Variants in DNAH5 observed in about 807,000 individuals in gnomAD.
The protein encoded by DNAH5 is dynein axonemal heavy chain 5, also known as axonemal beta dynein heavy chain 5.
Under a neutral mutation model 518.2 loss-of-function variants are expected in DNAH5, and 372 were observed. That is an observed-to-expected ratio of 0.72 (90% CI 0.66 to 0.78). DNAH5 has a LOEUF of 0.78. DNAH5 is among the 30% of genes least tolerant of loss of function. The probability of loss-of-function intolerance (pLI) is 0.00; values close to 1 mark genes in which losing one functional copy is unlikely to be tolerated. For synonymous variants in DNAH5, 2,039 were observed against 2,025.9 expected (o/e 1.01, Z -0.17); for missense variants, 5,523 against 5,687.0 (o/e 0.97, Z 0.93).
In DNAH5 at chr5:13,824,250, C is replaced by T. The variant is rs768101989; in HGVS notation, c.6528G>A (p.Thr2176=). ...GTACACGCATGACAATCGTGGACTC[C>T]GTATCCATTGGATTGGCTCTTTTTG... The part of the protein sequence containing the change: ...GAAKRANPMD[T]ESTIVMRVLR... Residue 2176 remains threonine (T), a synonymous_variant, in exon 39 of 79, where the codon ACG becomes ACA. Transcript: ENST00000265104. 5.6e-6 allele frequency: 9 copies of T among 1,613,908 alleles called. No individual in the cohort carries two copies. Among genetic ancestry groups the T allele is most frequent in the South Asian group, 2.2e-5 (2 of 91,084 alleles).
chr5:13,783,851 G>A (rs747569299), intron 52 of DNAH5, among the ~76,000 whole-genome samples: 3 of 152,184 alleles, frequency 2.0e-5, no homozygotes, highest in Non-Finnish European at 4.4e-5. Flanking sequence ...ACAGAGCGTG[G>A]AAGCGCTGTG....
Position 13,923,445 on chromosome 5 carries a change from A to C in DNAH5, c.278-5T>G. 1 of 1,614,040 alleles carries C rather than the reference A, an allele frequency of 6.2e-7. No individual in the cohort carries two copies. The highest frequency in any genetic ancestry group is 8.5e-7 in the Non-Finnish European group (1 of 1,179,974). ...CTCCTAGAGAGCCAAGTTGTCCTAC[A>C]AAAGCAAAATAATTTTAGTTTCACA... is the stretch of plus-strand genomic sequence containing the variant. On this transcript the variant is annotated splice_region_variant and splice_polypyrimidine_tract_variant and intron_variant, in intron 3 of 78. Coordinates refer to ENST00000265104, the MANE Select transcript of DNAH5 (RefSeq NM_001369.3).
At chr5:13,943,707 T>A (rs1295959040) in intron 1 of DNAH5, among the ~76,000 whole-genome samples, 1 of 152,100 alleles carries the variant, frequency 6.6e-6, no homozygotes, top group Non-Finnish European at 1.5e-5. Flanking sequence ...CTAGGGGGGA[T>A]CATGTGAGCT....
At chr5:13,837,902 G>A (rs1052281586) in intron 35 of DNAH5, among the ~76,000 whole-genome samples, 14 of 151,978 alleles carry the variant, frequency 9.2e-5, no homozygotes, top group Middle Eastern at 3.4e-3. Context: ...AGGTTTCACC[G>A]TGTTAGCCTG....
intron 68 of DNAH5, among the ~76,000 whole-genome samples, chr5:13,731,395 A>G (rs1746525769): frequency 2.6e-5 from 4 of 152,296 alleles, no homozygotes; most frequent in African/African-American, 9.6e-5. Context: ...TATTCACAGA[A>G]AGGAAAGAGT....
At chr5:13,822,893 C>T (rs943825906) in intron 40 of DNAH5, among the ~76,000 whole-genome samples, 5 of 152,076 alleles carry the variant, frequency 3.3e-5, no homozygotes, top group African/African-American at 4.8e-5. Flanking sequence ...CAGAGGCAGG[C>T]GACACAGCAA....
intron 75 of DNAH5, among the ~76,000 whole-genome samples, chr5:13,709,533 G>T (rs1743217502): frequency 6.6e-6 from 1 of 152,184 alleles, no homozygotes; most frequent in Non-Finnish European, 1.5e-5. Flanking sequence ...GAAAACACCT[G>T]GGGGACAGAG....
chr5:13,898,741 G>C, intron 15 of DNAH5: 1 of 397,158 alleles, frequency 2.5e-6, no homozygotes, highest in South Asian at 1.4e-4. Flanking sequence ...TACAGTGCAA[G>C]TGCATGGACT....
intron 15 of DNAH5, among the ~76,000 whole-genome samples, chr5:13,895,270 A>G (rs78284102): frequency 0.025 from 32 of 1,288 alleles, no homozygotes; most frequent in South Asian, 0.5. Flanking sequence ...CGTCTCAAAA[A>G]AAAAGAAGAC....
intron 61 of DNAH5, among the ~76,000 whole-genome samples, chr5:13,754,849 C>G (rs1233869079): frequency 1.3e-5 from 2 of 151,618 alleles, no homozygotes; most frequent in African/African-American, 4.8e-5. Flanking sequence ...GTGCTTAGTT[C>G]TTAAAAACAA....
rs182387081 is a variant in DNAH5 at position 13,858,296 on chromosome 5, T to A, written c.4950+1156A>T. On this transcript the variant is annotated intron_variant, in intron 30 of 78. Coordinates refer to ENST00000265104, the MANE Select transcript of DNAH5 (RefSeq NM_001369.3). ...ACATGGATGAAGCTAGAAACCATCA[T>A]TCTCAGAAAACTAGCACAGGAATGG... is the stretch of plus-strand genomic sequence containing the variant. Among the ~76,000 whole-genome samples the A allele has an allele frequency of 9.2e-5, 14 of 152,278 alleles. No homozygotes were observed. In the East Asian group the frequency reaches 2.1e-3, roughly 23 times the overall value.
intron 1 of DNAH5, among the ~76,000 whole-genome samples, chr5:13,994,992 C>T (rs1783832904): frequency 6.6e-6 from 1 of 152,138 alleles, no homozygotes; most frequent in African/African-American, 2.4e-5. Context: ...TTCAGGGTGG[C>T]AAGCTTGTCA....
At chr5:13,754,023 T>G (rs1750635390) in intron 62 of DNAH5, among the ~76,000 whole-genome samples, 180 bp downstream of exon 62, 1 of 152,136 alleles carries the variant, frequency 6.6e-6, no homozygotes, top group Non-Finnish European at 1.5e-5. Context: ...ACAGGAATTT[T>G]TTTTTAATTT....
chr5:13,865,543 G>A (rs1017428657), intron 27 of DNAH5, 125 bp downstream of exon 27: 21 of 760,002 alleles, frequency 2.8e-5, no homozygotes, highest in Non-Finnish European at 3.6e-5. Flanking sequence ...GATGTCAATG[G>A]ACAAGAACAA....
intron 25 of DNAH5, among the ~76,000 whole-genome samples, chr5:13,866,763 C>G (rs1052158917): frequency 2.0e-5 from 3 of 152,088 alleles, no homozygotes; most frequent in Non-Finnish European, 4.4e-5. Flanking sequence ...TACATGGGTC[C>G]AATCTTCTAA....
At position 13,923,379 on chromosome 5, in the gene DNAH5, C is replaced by T. The variant is rs1210690377; in HGVS notation, c.339G>A (p.Val113=). ...CCACATCGTTTCCCTCGGTCACGAA[C>T]ACCTTAGGTTTTTTAATCTTTCCAG... ...LVSGKIKKPK[V]FVTEGNDVAL... The change falls in exon 4 of 79, where the codon GTG becomes GTA. Residue 113 remains valine, a synonymous_variant. Transcript: ENST00000265104. The T allele has an allele frequency of 1.2e-6, 2 of 1,614,078 alleles. No homozygotes were observed. The highest frequency in any genetic ancestry group is 4.5e-5 in the East Asian group (2 of 44,896).
intron 1 of DNAH5, among the ~76,000 whole-genome samples, chr5:13,999,060 C>T (rs553688496): frequency 9.9e-5 from 15 of 152,276 alleles, no homozygotes; most frequent in Admixed American, 2.6e-4. Context: ...TTAGTAGAGA[C>T]GGGGTTTAGT....
intron 31 of DNAH5, among the ~76,000 whole-genome samples, chr5:13,847,145 T>A (rs2151875727): frequency 6.6e-6 from 1 of 152,296 alleles, no homozygotes; most frequent in South Asian, 2.1e-4. Flanking sequence ...CAACTCCGAT[T>A]ACGATCTGAT....
intron 28 of DNAH5, 110 bp downstream of exon 28, chr5:13,864,287 A>C: frequency 2.1e-5 from 30 of 1,442,384 alleles, no homozygotes; most frequent in East Asian, 6.8e-5. Context: ...TGCCAGGAGA[A>C]GAGTTTCAAT....
Sources: allele counts gnomAD v4.1 joint callset (sites outside exome capture counted in the v4.1 genomes callset), GRCh38; gene constraint gnomAD v4.1.1; transcripts MANE v1.5; gene names NCBI Gene and HGNC (gene_info 2026-07-23, HGNC 2026-07-21).